The following FRMD4B variants were observed in gnomAD, a reference collection of about 807,000 sequenced individuals.
The protein encoded by FRMD4B is FERM domain-containing protein 4B.
Under a neutral mutation model 141.5 loss-of-function variants are expected in FRMD4B, and 74 were observed. The observed-to-expected ratio is 0.52, with a 90% CI of 0.43 to 0.63. FRMD4B has a LOEUF of 0.63. Among genes scored for constraint, FRMD4B ranks in the 30% least tolerant of loss-of-function variants. The pLI is 0.00. For missense variants in FRMD4B, 1,366 were observed against 1,253.4 expected (o/e 1.09, Z -1.36); for synonymous variants, 506 against 467.9 (o/e 1.08, Z -1.05).
intron 5 of FRMD4B, among the ~76,000 whole-genome samples, chr3:69,261,696 G>A (rs2093528541): frequency 6.6e-6 from 1 of 152,098 alleles, no homozygotes; most frequent in Non-Finnish European, 1.5e-5. Flanking sequence ...TATTTGAGAT[G>A]GAGTCTCCCT....
At chr3:69,385,251 T>C (rs34685652) in intron 1 of FRMD4B, among the ~76,000 whole-genome samples, 22,844 of 151,888 alleles carry the variant, frequency 0.15, 1,873 homozygotes, top group Admixed American at 0.2. Context: ...GGGCCACCCC[T>C]CCCTTCCCCA....
intron 11 of FRMD4B, among the ~76,000 whole-genome samples, chr3:69,214,601 G>A (rs1021781088): frequency 4.6e-5 from 7 of 152,290 alleles, no homozygotes; most frequent in African/African-American, 1.7e-4. Flanking sequence ...GCTCGTGCCT[G>A]TAATCCCAGC....
chr3:69,323,122 G>C, intron 1 of FRMD4B: 2 of 268,200 alleles, frequency 7.5e-6, no homozygotes, highest in Non-Finnish European at 5.7e-6. Flanking sequence ...AATGAGGGAA[G>C]AGGGGAGGAA....
intron 5 of FRMD4B, among the ~76,000 whole-genome samples, chr3:69,287,046 A>G (rs1575693904): frequency 6.6e-6 from 1 of 152,082 alleles, no homozygotes; most frequent in Non-Finnish European, 1.5e-5. Context: ...CTCGTGATCC[A>G]CCTGTCTTGG....
intron 1 of FRMD4B, among the ~76,000 whole-genome samples, chr3:69,383,466 A>G (rs1704170795): frequency 6.6e-6 from 1 of 152,246 alleles, no homozygotes; most frequent in African/African-American, 2.4e-5. Flanking sequence ...TCATTGATAC[A>G]TATTAGATGT....
chr3:69,450,625 G>A (rs571452219), intron 1 of FRMD4B, among the ~76,000 whole-genome samples: 3 of 152,218 alleles, frequency 2.0e-5, no homozygotes, highest in Non-Finnish European at 2.9e-5. Flanking sequence ...ATGGTTGTAC[G>A]TGCCTATAAT....
intron 1 of FRMD4B, among the ~76,000 whole-genome samples, chr3:69,518,027 G>T (rs1329435475): frequency 6.6e-6 from 1 of 152,106 alleles, no homozygotes; most frequent in South Asian, 2.1e-4. Flanking sequence ...TGGTTTAGAC[G>T]TCATACTTTG....
At position 69,187,937 on chromosome 3, in the gene FRMD4B, G is replaced by A. The variant is rs2092788323; in HGVS notation, c.1772-20C>T. On this transcript the variant is annotated intron_variant, in intron 18 of 22. Transcript: ENST00000398540. ...CACTGGCTATAATAAGTAAATGGGT[G>A]AATGAAAAAATAAGTAGGCAAATTA... 6.9e-6 allele frequency: 10 copies of A among 1,452,314 alleles called. No individual in the cohort carries two copies. The East Asian group carries it at 2.2e-4, about 33-fold the overall frequency. 90.0% of individuals were successfully genotyped at this position (1,452,314 alleles called of 1,614,324 possible).
intron 1 of FRMD4B, among the ~76,000 whole-genome samples, chr3:69,477,480 G>C (rs1352086822): frequency 6.6e-6 from 1 of 151,398 alleles, no homozygotes; most frequent in Non-Finnish European, 1.5e-5. Context: ...TTTTGTCTTT[G>C]GTTCTGTTTA....
At chr3:69,358,565 A>G (rs1559828017) in intron 1 of FRMD4B, among the ~76,000 whole-genome samples, 1 of 152,108 alleles carries the variant, frequency 6.6e-6, no homozygotes, top group African/African-American at 2.4e-5. Flanking sequence ...GTGAAACTCC[A>G]TCTCTACAAA....
At chr3:69,450,830 T>C (rs1705485742) in intron 1 of FRMD4B, among the ~76,000 whole-genome samples, 1 of 152,130 alleles carries the variant, frequency 6.6e-6, no homozygotes, top group Non-Finnish European at 1.5e-5. Context: ...TTCTGTGGCC[T>C]TTTTCCATCT....
At chr3:69,237,704 T>G (rs562516847) in intron 7 of FRMD4B, among the ~76,000 whole-genome samples, 1 of 152,304 alleles carries the variant, frequency 6.6e-6, no homozygotes, top group East Asian at 1.9e-4. Context: ...TTTCATAGGA[T>G]GATAAAAGAT....
At position 69,385,860 on chromosome 3, in the gene FRMD4B, G is replaced by A; in HGVS notation, c.130C>T (p.Arg44Trp). ...ACGTCCTGCAGCCCGCACCACGTCC[G>A]CAGCACCTGGTGGCAAGCCCGCAGC... Reference protein sequence around the residue: ...ERLRACHQVLRTWCGLQDVYQ... With the variant: ...ERLRACHQVLWTWCGLQDVYQ... Residue 44 changes from arginine (R) to tryptophan (W), a missense_variant, in exon 1 of 23, where the codon CGG becomes TGG. Coordinates refer to ENST00000398540, the MANE Select transcript of FRMD4B (RefSeq NM_015123.3). 2 of 1,596,560 alleles carry A rather than the reference G, an allele frequency of 1.3e-6. No homozygotes were observed. The highest frequency in any genetic ancestry group is 1.3e-5 in the African/African-American group (1 of 74,410).
Position 69,221,886 on chromosome 3 carries a change from C to G in FRMD4B, c.703G>C (p.Gly235Arg). 6.4e-7 allele frequency: 1 copy of G among 1,572,340 alleles called. No homozygotes were observed. Among genetic ancestry groups the G allele is most frequent in the African/African-American group, 1.3e-5 (1 of 74,330 alleles). Residue 235 changes from glycine (G) to arginine (R), a missense_variant, in exon 9 of 23, where the codon GGT becomes CGT. Gly to Arg is a moderately radical substitution (Grantham distance 125). Transcript: ENST00000398540. Reference sequence around the variant, plus strand: ...ACCACAGCTTGACCTCGAGTGAGACCTTTGATTTTCAAATAATGCTCAATT... The same window carrying G: ...ACCACAGCTTGACCTCGAGTGAGACGTTTGATTTTCAAATAATGCTCAATT... ...RVIEHYLKIK[G>R]LTRGQAVVQY...
In FRMD4B at chr3:69,169,338, A is replaced by C. The variant is rs1283275046; in HGVS notation, c.*2523T>G. Among the ~76,000 whole-genome samples, 1 of 141,184 alleles carries C rather than the reference A, an allele frequency of 7.1e-6. No individual in the cohort carries two copies. Among genetic ancestry groups the C allele is most frequent in the Non-Finnish European group, 1.5e-5 (1 of 66,300 alleles). The allele number at this position is 141,184 out of a possible 152,430, so 92.6% of individuals were successfully genotyped here. A position where few individuals can be genotyped will look rare whatever the true frequency, so the allele number is the denominator to read the frequency against. On this transcript the variant is annotated 3_prime_UTR_variant, in exon 23 of 23. Transcript: ENST00000398540. ...AGAAAACCGTGCAGTAGGATTGCTG[A>C]ACTTCCATTTCTTTCTTTTTTTTTT...
At chr3:69,259,407 G>GT (rs1302853189) in intron 5 of FRMD4B, among the ~76,000 whole-genome samples, 9 of 152,196 alleles carry the variant, frequency 5.9e-5, no homozygotes. Context: ...ACTGGTAGCA[G>GT]CCTGTGGCCT....
intron 1 of FRMD4B, among the ~76,000 whole-genome samples, chr3:69,380,636 G>A (rs1404704799): frequency 6.6e-6 from 1 of 152,178 alleles, no homozygotes; most frequent in Non-Finnish European, 1.5e-5. Flanking sequence ...TGCTCAAGTT[G>A]AGCCTACAGA....
chr3:69,193,621 A>G, intron 17 of FRMD4B, 27 bp downstream of exon 17: 1 of 869,246 alleles, frequency 1.2e-6, no homozygotes, highest in Non-Finnish European at 1.5e-6. Context: ...AGGGGACTCA[A>G]AAAAAAAAAC....
chr3:69,463,594 G>C (rs1705735973), intron 1 of FRMD4B, among the ~76,000 whole-genome samples: 1 of 152,310 alleles, frequency 6.6e-6, no homozygotes, highest in South Asian at 2.1e-4. Flanking sequence ...AGGAAACTAA[G>C]TCTCCAGTTA....
Sources: gnomAD v4.1 joint callset for allele counts (sites outside exome capture counted in the v4.1 genomes callset) on GRCh38, gnomAD v4.1.1 for gene constraint, MANE v1.5 for transcripts, NCBI Gene and HGNC (gene_info 2026-07-23, HGNC 2026-07-21) for gene names.